BCKDHB: variants seen among roughly 807,000 people sequenced by gnomAD.
BCKDHB encodes 2-oxoisovalerate dehydrogenase subunit beta, mitochondrial.
BCKDHB carries 41 observed loss-of-function variants against 48.5 expected under a neutral mutation model. That is an observed-to-expected ratio of 0.85 (90% CI 0.66 to 1.10). The LOEUF (loss-of-function observed/expected upper bound fraction) is 1.10. BCKDHB is among the 50% of genes least tolerant of loss of function. The probability of loss-of-function intolerance (pLI) is 0.00; values close to 1 mark genes in which losing one functional copy is unlikely to be tolerated. For synonymous variants in BCKDHB, 201 were observed against 174.8 expected, an observed-to-expected ratio of 1.15 and a Z score of -1.18; for missense variants, 496 against 494.2, an observed-to-expected ratio of 1.00 and a Z score of -0.03.
At chr6:80,373,366 T>C in the BCKDHB span, among the ~76,000 whole-genome samples, 1 of 152,150 alleles carries the variant, frequency 6.6e-6, no homozygotes, top group Non-Finnish European at 1.5e-5. Flanking sequence ...GCTAATGGTC[T>C]ATCAGTTTTA....
chr6:80,321,042 A>G (rs1768688639), intron 9 of BCKDHB, among the ~76,000 whole-genome samples: 1 of 152,196 alleles, frequency 6.6e-6, no homozygotes, highest in Admixed American at 6.5e-5. Flanking sequence ...GATAGATTCT[A>G]TCCTAACCTA....
the BCKDHB span, among the ~76,000 whole-genome samples, chr6:80,358,855 A>T: frequency 6.6e-6 from 1 of 152,202 alleles, no homozygotes; most frequent in South Asian, 2.1e-4. Flanking sequence ...TAAAATAGTA[A>T]ATTTTATGTG....
intron 8 of BCKDHB, among the ~76,000 whole-genome samples, chr6:80,231,471 A>T (rs1055508333): frequency 2.0e-5 from 3 of 152,238 alleles, no homozygotes; most frequent in African/African-American, 7.2e-5. Flanking sequence ...TATTTTCTTT[A>T]CATCCAGTGT....
intron 8 of BCKDHB, among the ~76,000 whole-genome samples, chr6:80,237,290 TC>T: frequency 6.6e-6 from 1 of 152,174 alleles, no homozygotes; most frequent in South Asian, 2.1e-4. Context: ...AACAGGGATG[TC>T]ACTGAGGATA....
chr6:80,355,480 A>G, the BCKDHB span: 4 of 150,586 alleles, frequency 2.7e-5, no homozygotes, highest in Non-Finnish European at 4.4e-5. Flanking sequence ...AAGCATGTTT[A>G]CTTGCACCGT....
At chr6:80,375,241 T>C in the BCKDHB span, among the ~76,000 whole-genome samples, 1 of 152,236 alleles carries the variant, frequency 6.6e-6, no homozygotes, top group Non-Finnish European at 1.5e-5. Context: ...CCCTTCAATA[T>C]GTTTTCCAAA....
intron 8 of BCKDHB, among the ~76,000 whole-genome samples, chr6:80,226,765 A>C (rs1775696828): frequency 6.6e-6 from 1 of 152,036 alleles, no homozygotes; most frequent in African/African-American, 2.4e-5. Flanking sequence ...AGCGTTTTTG[A>C]GGATAACACG....
At chr6:80,456,481 T>A in the BCKDHB span, among the ~76,000 whole-genome samples, 1 of 152,054 alleles carries the variant, frequency 6.6e-6, no homozygotes, top group South Asian at 2.1e-4. Flanking sequence ...TGCCACTTAA[T>A]CCCCGGTAAA....
chr6:80,267,830 A>T (rs902817156), intron 8 of BCKDHB, among the ~76,000 whole-genome samples: 1 of 151,930 alleles, frequency 6.6e-6, no homozygotes, highest in African/African-American at 2.4e-5. Flanking sequence ...TGTCAACATT[A>T]TTTGCTTATT....
chr6:80,331,508 A>G (rs1335718212), intron 9 of BCKDHB, among the ~76,000 whole-genome samples: 7 of 152,174 alleles, frequency 4.6e-5, no homozygotes, highest in African/African-American at 1.4e-4. Flanking sequence ...AAATTTATCA[A>G]TATTTGGGGT....
the BCKDHB span, among the ~76,000 whole-genome samples, chr6:80,382,430 C>T: frequency 6.6e-6 from 1 of 152,098 alleles, no homozygotes; most frequent in Non-Finnish European, 1.5e-5. Flanking sequence ...ACTTTCTTGT[C>T]ATTATTAACA....
chr6:80,137,933 A>C (rs754121838), intron 3 of BCKDHB, among the ~76,000 whole-genome samples: 1 of 148,216 alleles, frequency 6.7e-6, no homozygotes, highest in Non-Finnish European at 1.5e-5. Context: ...CAAAAAATTA[A>C]AAAAAAAAAA....
chr6:80,183,373 G>T (rs1195323621), intron 6 of BCKDHB, among the ~76,000 whole-genome samples: 2 of 152,272 alleles, frequency 1.3e-5, no homozygotes, highest in Non-Finnish European at 2.9e-5. Context: ...CTTGGCAATT[G>T]TAAGAGTGAA....
At chr6:80,393,223 A>G in the BCKDHB span, among the ~76,000 whole-genome samples, 1 of 152,050 alleles carries the variant, frequency 6.6e-6, no homozygotes, top group African/African-American at 2.4e-5. Flanking sequence ...TTCATACCCA[A>G]ATTCTCCCAC....
At chr6:80,207,147 C>T (rs1774704919) in intron 8 of BCKDHB, among the ~76,000 whole-genome samples, 1 of 151,942 alleles carries the variant, frequency 6.6e-6, no homozygotes. Context: ...GGAGAGCATA[C>T]ACTATAGCTT....
intron 8 of BCKDHB, among the ~76,000 whole-genome samples, chr6:80,270,950 G>A (rs568044936): frequency 2.0e-5 from 3 of 152,168 alleles, no homozygotes; most frequent in East Asian, 3.9e-4. Flanking sequence ...TAATTCAAGG[G>A]CTTTCCCTTT....
chr6:80,375,353 A>AT, the BCKDHB span, among the ~76,000 whole-genome samples: 2 of 151,928 alleles, frequency 1.3e-5, no homozygotes, highest in African/African-American at 4.8e-5. Flanking sequence ...TTTTAAAATT[A>AT]TTTTTTCTTT....
the BCKDHB span, chr6:80,443,339 G>A: frequency 6.6e-6 from 1 of 152,278 alleles, no homozygotes; most frequent in Non-Finnish European, 1.5e-5. Flanking sequence ...GGGGTCCTTT[G>A]TGTAATAATT....
Position 80,139,985 on chromosome 6 carries a change from A to G in BCKDHB, c.343+10756A>G, listed in dbSNP as rs534222184. Among the ~76,000 whole-genome samples, 259 of 152,262 alleles carry G rather than the reference A, an allele frequency of 1.7e-3. 1 individual carries two copies. The highest frequency in any genetic ancestry group is 5.9e-3 in the African/African-American group (245 of 41,546). On this transcript the variant is annotated intron_variant, in intron 3 of 9. Coordinates refer to ENST00000320393, the MANE Select transcript of BCKDHB (RefSeq NM_183050.4). ...TGTATTCTCTTTTATTTCATTGAGC[A>G]GTGGTTTGTAGTTCTCCTTGAAGAG... is the stretch of plus-strand genomic sequence containing the variant.
Sources: allele counts gnomAD v4.1 joint callset (sites outside exome capture counted in the v4.1 genomes callset), GRCh38; gene constraint gnomAD v4.1.1; transcripts MANE v1.5; gene names NCBI Gene and HGNC (gene_info 2026-07-23, HGNC 2026-07-21).